The following UGT1A8 variants were observed in gnomAD, a reference collection of about 807,000 sequenced individuals.
UGT1A8 encodes the protein UDP-glucuronosyltransferase 1A8.
Under a neutral mutation model 45.3 loss-of-function variants are expected in UGT1A8, and 39 were observed. The ratio of observed to expected loss-of-function variants is 0.86; its 90% CI spans 0.67 to 1.12. The LOEUF (loss-of-function observed/expected upper bound fraction) is 1.12, where lower values mean the gene tolerates loss of function less well. Ranked by LOEUF, UGT1A8 falls within the 50% of genes most tolerant of loss-of-function variation. UGT1A8 has a pLI of 0.00. For synonymous variants in UGT1A8, 275 were observed against 249.2 expected, an observed-to-expected ratio of 1.10 and a Z score of -0.97; for missense variants, 719 against 664.9, an observed-to-expected ratio of 1.08 and a Z score of -0.90.
chr2:233,721,721 C>T (rs2076966179), intron 1 of UGT1A8: 1 of 393,114 alleles, frequency 2.5e-6, no homozygotes. Flanking sequence ...GCTTTGTTTA[C>T]TTGGATAAGC....
chr2:233,636,955 G>A (rs772206499), intron 1 of UGT1A8: 11 of 1,614,012 alleles, frequency 6.8e-6, no homozygotes, highest in African/African-American at 2.7e-5. Flanking sequence ...TTTTGATGCA[G>A]TGTTTCTGGA....
intron 1 of UGT1A8, among the ~76,000 whole-genome samples, chr2:233,717,089 A>C (rs570408978): frequency 1.1e-4 from 16 of 152,286 alleles, no homozygotes; most frequent in South Asian, 2.1e-4. Flanking sequence ...AAATCAGATG[A>C]CATCACTATC....
chr2:233,698,030 A>AT (rs1256116302), intron 1 of UGT1A8, among the ~76,000 whole-genome samples: 4 of 152,048 alleles, frequency 2.6e-5, no homozygotes, highest in Admixed American at 6.6e-5. Context: ...CAATTATCTT[A>AT]TTTTTTCAAA....
At chr2:233,729,133 A>G in intron 1 of UGT1A8, 1 of 1,613,236 alleles carries the variant, frequency 6.2e-7, no homozygotes, top group Non-Finnish European at 8.5e-7. Flanking sequence ...TGAGATGGCC[A>G]CAGGACTCCA....
intron 1 of UGT1A8, among the ~76,000 whole-genome samples, chr2:233,647,590 TATTA>T (rs2073637480): frequency 6.6e-6 from 1 of 152,244 alleles, no homozygotes; most frequent in African/African-American, 2.4e-5. Context: ...TCATTTGTGT[TATTA>T]ATTTCTTCTT....
intron 1 of UGT1A8, among the ~76,000 whole-genome samples, chr2:233,753,936 A>C (rs545743741): frequency 2.6e-5 from 4 of 152,192 alleles, no homozygotes; most frequent in Non-Finnish European, 5.9e-5. Flanking sequence ...ATGGGATTCA[A>C]ATGTATGACC....
chr2:233,691,258 A>G (rs779837737), intron 1 of UGT1A8: 26 of 985,570 alleles, frequency 2.6e-5, no homozygotes, highest in Non-Finnish European at 3.0e-5. Flanking sequence ...TCAAAGCAAG[A>G]TGCTGCCGCC....
chr2:233,661,623 T>TTTTCTTTCTTTC (rs55749169), intron 1 of UGT1A8, among the ~76,000 whole-genome samples: 13,891 of 123,680 alleles, frequency 0.11, 1,038 homozygotes, highest in African/African-American at 0.16. Flanking sequence ...ACTTACTGAA[T>TTTTCTTTCTTTC]TTTCTTTCTT....
intron 1 of UGT1A8, among the ~76,000 whole-genome samples, chr2:233,740,080 C>T (rs1401216325): frequency 3.3e-5 from 5 of 151,794 alleles, no homozygotes; most frequent in African/African-American, 7.3e-5. Flanking sequence ...CTCTGTCTCT[C>T]GCCTGCTGCC....
intron 1 of UGT1A8, among the ~76,000 whole-genome samples, chr2:233,706,653 C>T (rs940333548): frequency 1.3e-5 from 2 of 152,184 alleles, no homozygotes; most frequent in African/African-American, 4.8e-5. Flanking sequence ...TGCCCCATCA[C>T]TGTAGGTCTG....
chr2:233,689,852 G>C (rs1413108719), intron 1 of UGT1A8: 1 of 455,368 alleles, frequency 2.2e-6, no homozygotes, highest in Non-Finnish European at 4.4e-6. Context: ...TATTGTTTTA[G>C]GCTACTATTA....
chr2:233,745,589 C>T (rs984719632), intron 1 of UGT1A8, among the ~76,000 whole-genome samples: 4 of 151,622 alleles, frequency 2.6e-5, no homozygotes, highest in East Asian at 1.9e-4. Flanking sequence ...ACCTGAGACC[C>T]GGACTTGGCA....
chr2:233,637,273 T>C (rs1292087477), intron 1 of UGT1A8: 2 of 1,613,984 alleles, frequency 1.2e-6, no homozygotes, highest in Non-Finnish European at 8.5e-7. Flanking sequence ...CACATCAATT[T>C]GGTTGTTGCG....
At chr2:233,681,997 T>C in intron 1 of UGT1A8, 2 of 1,614,180 alleles carry the variant, frequency 1.2e-6, no homozygotes, top group South Asian at 2.2e-5. Flanking sequence ...TGCTGACCTG[T>C]GGCTTTGCCA....
chr2:233,653,071 C>A (rs2125478585), intron 1 of UGT1A8, among the ~76,000 whole-genome samples: 2 of 152,278 alleles, frequency 1.3e-5, no homozygotes, highest in East Asian at 3.9e-4. Context: ...ACGTGCCTGA[C>A]ATGGAGGCTC....
intron 1 of UGT1A8, among the ~76,000 whole-genome samples, chr2:233,688,618 A>C (rs183545370): frequency 6.6e-6 from 1 of 152,206 alleles, no homozygotes; most frequent in Non-Finnish European, 1.5e-5. Context: ...CTCAGCAAAC[A>C]TGAGTTCGTC....
intron 1 of UGT1A8, among the ~76,000 whole-genome samples, chr2:233,761,350 G>A (rs572501988): frequency 2.6e-5 from 4 of 152,266 alleles, no homozygotes; most frequent in South Asian, 2.1e-4. Context: ...CTGAGATTTC[G>A]GGAAAGCATT....
rs28969670 is a variant in UGT1A8 at position 233,618,914 on chromosome 2, T to C, written c.855+352T>C. 2.9e-3 allele frequency among the ~76,000 whole-genome samples: 434 copies of C among 152,258 alleles called. 14 individuals carry two copies. In the East Asian group the frequency reaches 0.08, roughly 28 times the overall value. On this transcript the variant is annotated intron_variant, in intron 1 of 4. Coordinates refer to ENST00000373450, the MANE Select transcript of UGT1A8 (RefSeq NM_019076.5). ...ATGCTCTTAGCAGTTTTGCATACAT[T>C]CTTTTCATTAAAAAAAGTATTTTAG...
intron 1 of UGT1A8, among the ~76,000 whole-genome samples, chr2:233,746,427 A>G (rs1283364507): frequency 1.3e-5 from 2 of 151,688 alleles, no homozygotes; most frequent in African/African-American, 4.9e-5. Flanking sequence ...CTATTAACTT[A>G]TGTCTTCAGC....
Sources: allele counts gnomAD v4.1 joint callset (sites outside exome capture counted in the v4.1 genomes callset), GRCh38; gene constraint gnomAD v4.1.1; transcripts MANE v1.5; gene names NCBI Gene and HGNC (gene_info 2026-07-23, HGNC 2026-07-21).